The following HDAC9 variants were observed in gnomAD, a reference collection of about 807,000 sequenced individuals.
HDAC9 encodes MEF-2 interacting transcription repressor (MITR) protein.
A neutral mutation model predicts 139.4 loss-of-function variants in HDAC9; 41 were observed. That is an observed-to-expected ratio of 0.29 (90% CI 0.23 to 0.38). The LOEUF (loss-of-function observed/expected upper bound fraction) is 0.38, where lower values mean the gene tolerates loss of function less well. Among genes scored for constraint, HDAC9 ranks in the 10% least tolerant of loss-of-function variants. The pLI, the probability that HDAC9 is intolerant of heterozygous loss-of-function variation, is 1.00. For missense variants in HDAC9, 1,147 were observed against 1,297.0 expected, an observed-to-expected ratio of 0.88 and a Z score of 1.78; for synonymous variants, 517 against 476.2, an observed-to-expected ratio of 1.09 and a Z score of -1.12.
At chr7:18,728,146 G>T (rs1403868626) in intron 13 of HDAC9, among the ~76,000 whole-genome samples, 1 of 151,656 alleles carries the variant, frequency 6.6e-6, no homozygotes, top group Non-Finnish European at 1.5e-5. Context: ...TAACCAGTTT[G>T]TTTTTTTGTT....
chr7:18,774,863 G>A (rs1248310377), intron 16 of HDAC9, among the ~76,000 whole-genome samples: 1 of 152,026 alleles, frequency 6.6e-6, no homozygotes, highest in African/African-American at 2.4e-5. Flanking sequence ...GGCACAACAG[G>A]TCTAGTTTTC....
intron 6 of HDAC9, among the ~76,000 whole-genome samples, chr7:18,616,223 T>C (rs1838555842): frequency 6.6e-6 from 1 of 152,220 alleles, no homozygotes; most frequent in Admixed American, 6.5e-5. Context: ...TACCACCTAA[T>C]GTGATACAGT....
chr7:18,229,512 A>G (rs1354020472), intron 2 of HDAC9, among the ~76,000 whole-genome samples: 2 of 152,212 alleles, frequency 1.3e-5, no homozygotes, highest in Non-Finnish European at 2.9e-5. Flanking sequence ...TGCTATTACA[A>G]TGCAGACACA....
At chr7:18,536,649 A>G (rs1207689170) in intron 2 of HDAC9, among the ~76,000 whole-genome samples, 1 of 152,180 alleles carries the variant, frequency 6.6e-6, no homozygotes, top group Non-Finnish European at 1.5e-5. Context: ...CTTATATGGA[A>G]ATTTAAACCA....
At chr7:18,951,736 T>C (rs1782809958) in intron 23 of HDAC9, among the ~76,000 whole-genome samples, 1 of 151,628 alleles carries the variant, frequency 6.6e-6, no homozygotes, top group African/African-American at 2.4e-5. Context: ...GCTCCAAATT[T>C]ATAAAAAATG....
intron 2 of HDAC9, among the ~76,000 whole-genome samples, chr7:18,507,170 A>ATATTAT (rs59819356): frequency 0.27 from 38,450 of 144,162 alleles, 5,549 homozygotes; most frequent in Admixed American, 0.35. Flanking sequence ...TATTCATTAC[A>ATATTAT]TATTATTATT....
At chr7:18,280,607 C>CA (rs1318612933) in intron 2 of HDAC9, among the ~76,000 whole-genome samples, 14 of 144,528 alleles carry the variant, frequency 9.7e-5, no homozygotes, top group South Asian at 6.6e-4. Flanking sequence ...AAACAAAAAA[C>CA]AAAAAAAATA....
At position 18,455,319 on chromosome 7, in the gene HDAC9, C is replaced by A. The variant is rs115361436; in HGVS notation, c.-41-40943C>A. ...AGTCAAACCCAAAGAATCCTGTAAA[C>A]CTTTTACTGGAAATATTTATGGCTA... On this transcript the variant is annotated intron_variant, in intron 1 of 3. Coordinates refer to the HDAC9 transcript ENST00000413509. Among the ~76,000 whole-genome samples the A allele has an allele frequency of 7.7e-3, 1,170 of 152,010 alleles. 15 individuals are homozygous for A. Among genetic ancestry groups the A allele is most frequent in the African/African-American group, 0.027 (1,106 of 41,490 alleles).
chr7:18,410,443 C>G (rs900967388), intron 1 of HDAC9, among the ~76,000 whole-genome samples: 1 of 152,130 alleles, frequency 6.6e-6, no homozygotes, highest in Non-Finnish European at 1.5e-5. Context: ...TGCCAAGAAC[C>G]TATAGTTCTT....
intron 1 of HDAC9, among the ~76,000 whole-genome samples, chr7:18,342,369 A>C (rs1281923335): frequency 3.3e-5 from 5 of 151,834 alleles, no homozygotes; most frequent in Admixed American, 2.6e-4. Flanking sequence ...TCACCTTGAA[A>C]ATTTCACATC....
At chr7:18,678,174 A>G (rs1212057636) in intron 12 of HDAC9, among the ~76,000 whole-genome samples, 5 of 151,890 alleles carry the variant, frequency 3.3e-5, no homozygotes, top group Non-Finnish European at 7.4e-5. Context: ...TTACACCAAT[A>G]CCACAGAATC....
intron 16 of HDAC9, among the ~76,000 whole-genome samples, chr7:18,783,014 G>A (rs1182409792): frequency 1.3e-5 from 2 of 152,048 alleles, no homozygotes; most frequent in African/African-American, 2.4e-5. Context: ...TAAAGTAGAG[G>A]AGGATTTGCC....
At chr7:18,567,784 T>A (rs973652309) in intron 2 of HDAC9, among the ~76,000 whole-genome samples, 12 of 152,044 alleles carry the variant, frequency 7.9e-5, no homozygotes, top group African/African-American at 2.9e-4. Context: ...ACTAGGGTGA[T>A]AGCCAAACTT....
At chr7:18,301,467 C>G (rs947652745) in intron 1 of HDAC9, among the ~76,000 whole-genome samples, 3 of 151,838 alleles carry the variant, frequency 2.0e-5, no homozygotes, top group African/African-American at 7.3e-5. Flanking sequence ...TGATTTAATC[C>G]TCTGTTTTAT....
chr7:18,907,830 T>C (rs1162657179), intron 22 of HDAC9, among the ~76,000 whole-genome samples: 1 of 152,186 alleles, frequency 6.6e-6, no homozygotes, highest in African/African-American at 2.4e-5. Context: ...TGTAGCATTA[T>C]CCATATGCAG....
intron 1 of HDAC9, among the ~76,000 whole-genome samples, chr7:18,421,209 T>G (rs1449344171): frequency 1.3e-5 from 2 of 152,218 alleles, no homozygotes; most frequent in East Asian, 3.8e-4. Context: ...TATTTCATAT[T>G]TAGAATAATT....
chr7:18,327,247 ATGAGCAGTT>A (rs1800524581), intron 1 of HDAC9, among the ~76,000 whole-genome samples: 1 of 151,898 alleles, frequency 6.6e-6, no homozygotes, highest in South Asian at 2.1e-4. Flanking sequence ...ATTTCTTATG[ATGAGCAGTT>A]ACCTACTATA....
intron 2 of HDAC9, among the ~76,000 whole-genome samples, chr7:18,225,662 G>A (rs1415723577): frequency 6.6e-6 from 1 of 152,026 alleles, no homozygotes; most frequent in East Asian, 1.9e-4. Flanking sequence ...AGTTTATGCA[G>A]GCATCTTTCA....
At chr7:18,401,378 G>A (rs1787527098) in intron 1 of HDAC9, among the ~76,000 whole-genome samples, 1 of 152,146 alleles carries the variant, frequency 6.6e-6, no homozygotes, top group Admixed American at 6.6e-5. Context: ...GATGCAGTTG[G>A]GAAGAGGAGC....
Sources: allele counts gnomAD v4.1 joint callset (sites outside exome capture counted in the v4.1 genomes callset), GRCh38; gene constraint gnomAD v4.1.1; transcripts MANE v1.5; gene names NCBI Gene and HGNC (gene_info 2026-07-23, HGNC 2026-07-21).